The following OSBP2 variants were observed in gnomAD, a reference collection of about 807,000 sequenced individuals.
The protein encoded by OSBP2 is oxysterol-binding protein 2.
Under a neutral mutation model 96.0 loss-of-function variants are expected in OSBP2, and 66 were observed. The ratio of observed to expected loss-of-function variants is 0.69; its 90% CI spans 0.56 to 0.84. The LOEUF (loss-of-function observed/expected upper bound fraction) is 0.84, where lower values mean the gene tolerates loss of function less well. Ranked by LOEUF, OSBP2 falls within the 40% of genes least tolerant of loss-of-function variation. The probability of loss-of-function intolerance (pLI) is 0.00; values close to 1 mark genes in which losing one functional copy is unlikely to be tolerated. For missense variants in OSBP2, 1,038 were observed against 1,222.7 expected (o/e 0.85, Z 2.25); for synonymous variants, 525 against 520.9 (o/e 1.01, Z -0.11).
intron 2 of OSBP2, among the ~76,000 whole-genome samples, chr22:30,827,869 A>G (rs2038436523): frequency 6.6e-6 from 1 of 152,236 alleles, no homozygotes; most frequent in South Asian, 2.1e-4. Context: ...ATCATTGGCC[A>G]TATCATTGTA....
chr22:30,893,002 G>A (rs2039981649), intron 8 of OSBP2, 120 bp from the exon 9 acceptor site: 5 of 1,323,806 alleles, frequency 3.8e-6, no homozygotes, highest in African/African-American at 1.4e-5. Flanking sequence ...AGCCAGGACT[G>A]CTCCTATGGC....
At chr22:30,742,668 C>G (rs1015242968) in intron 2 of OSBP2, among the ~76,000 whole-genome samples, 1 of 152,176 alleles carries the variant, frequency 6.6e-6, no homozygotes, top group Non-Finnish European at 1.5e-5. Flanking sequence ...TAAAAAGCCT[C>G]CTCCTTGTTC....
At chr22:30,780,067 G>A (rs1482872084) in intron 2 of OSBP2, among the ~76,000 whole-genome samples, 1 of 152,180 alleles carries the variant, frequency 6.6e-6, no homozygotes, top group East Asian at 1.9e-4. Context: ...TCTATTTGTA[G>A]TCAATTCAAA....
At chr22:30,745,899 G>A (rs1189955423) in intron 2 of OSBP2, among the ~76,000 whole-genome samples, 1 of 152,070 alleles carries the variant, frequency 6.6e-6, no homozygotes, top group African/African-American at 2.4e-5. Context: ...ATAAGAACAG[G>A]ATGAAAAGGA....
chr22:30,843,134 T>C (rs996369626), intron 2 of OSBP2, among the ~76,000 whole-genome samples: 1 of 152,210 alleles, frequency 6.6e-6, no homozygotes, highest in Non-Finnish European at 1.5e-5. Context: ...ATTCTCTTGC[T>C]ATTTCTACTA....
intron 2 of OSBP2, among the ~76,000 whole-genome samples, chr22:30,797,834 T>C (rs5753321): frequency 0.11 from 17,461 of 152,126 alleles, 1,117 homozygotes; most frequent in East Asian, 0.2. Context: ...GCTCAAGCAA[T>C]CCACCCACCT....
chr22:30,752,288 CTTTTTTTT>C (rs10691256), intron 2 of OSBP2, among the ~76,000 whole-genome samples: 6 of 48,674 alleles, frequency 1.2e-4, no homozygotes, highest in South Asian at 8.7e-4. Context: ...CTTTGCTTTG[CTTTTTTTT>C]TTTTTTTTTT....
At chr22:30,834,034 C>T (rs2038583346) in intron 2 of OSBP2, among the ~76,000 whole-genome samples, 1 of 151,906 alleles carries the variant, frequency 6.6e-6, no homozygotes, top group East Asian at 1.9e-4. Context: ...TTCCATACAT[C>T]CCTCTCTTTA....
chr22:30,892,205 G>A (rs905947864), intron 8 of OSBP2, among the ~76,000 whole-genome samples: 11 of 152,150 alleles, frequency 7.2e-5, no homozygotes, highest in Non-Finnish European at 1.2e-4. Flanking sequence ...CATGAGGAGG[G>A]CCAGAGAGGC....
intron 2 of OSBP2, among the ~76,000 whole-genome samples, chr22:30,757,912 G>C (rs1428986144): frequency 6.6e-6 from 1 of 152,180 alleles, no homozygotes; most frequent in Non-Finnish European, 1.5e-5. Context: ...TGTGCAGCTT[G>C]TCAGCAGATC....
chr22:30,695,175 A>G lies in OSBP2; in HGVS notation c.266A>G (p.Glu89Gly), dbSNP rs1295560511. 7 of 1,611,860 alleles carry G rather than the reference A, an allele frequency of 4.3e-6. No homozygotes were observed. The highest frequency in any genetic ancestry group is 1.7e-5 in the Admixed American group (1 of 59,856). ...GAACCTGTGTCCGAGACGACGTCTG[A>G]GCCGGAGCCAGGGGCTGGGCAGCCA... ...RSEPVSETTSEPEPGAGQPSE... is the reference protein window; with the variant it reads ...RSEPVSETTSGPEPGAGQPSE... Residue 89 changes from glutamate (E) to glycine (G), a missense_variant, in exon 1 of 14, where the codon GAG becomes GGG. Coordinates refer to ENST00000332585, the MANE Select transcript of OSBP2 (RefSeq NM_030758.4).
intron 3 of OSBP2, among the ~76,000 whole-genome samples, chr22:30,886,903 A>G (rs1283271980): frequency 6.6e-6 from 1 of 152,198 alleles, no homozygotes; most frequent in East Asian, 1.9e-4. Context: ...AAAGAATTCA[A>G]GGCGAGTCTG....
intron 2 of OSBP2, among the ~76,000 whole-genome samples, chr22:30,866,332 C>T (rs2039336603): frequency 6.6e-6 from 1 of 152,228 alleles, no homozygotes; most frequent in African/African-American, 2.4e-5. Flanking sequence ...GGGCAGCCTG[C>T]AGAAGCTAGA....
intron 2 of OSBP2, among the ~76,000 whole-genome samples, chr22:30,768,814 T>C (rs1158927309): frequency 6.6e-6 from 1 of 152,222 alleles, no homozygotes; most frequent in Non-Finnish European, 1.5e-5. Flanking sequence ...GCACTTTCGT[T>C]TGTAATTATC....
At chr22:30,887,151 G>A (rs2039829663) in intron 3 of OSBP2, among the ~76,000 whole-genome samples, 1 of 152,166 alleles carries the variant, frequency 6.6e-6, no homozygotes, top group African/African-American at 2.4e-5. Context: ...CAGTGAGGAC[G>A]ACCAGAGGTC....
upstream of OSBP2, chr22:30,694,836 G>GCGCCCCCGGCCC (rs1396652012): frequency 8.0e-6 from 5 of 628,622 alleles, no homozygotes; most frequent in South Asian, 1.4e-4. Flanking sequence ...GCACGTGACT[G>GCGCCCCCGGCCC]CGCCCCCGGC....
chr22:30,905,257 C>T (rs2147200760), intron 12 of OSBP2, among the ~76,000 whole-genome samples: 1 of 150,950 alleles, frequency 6.6e-6, no homozygotes. Context: ...AGCAATTCTC[C>T]CACCTCAGCC....
At chr22:30,828,234 A>G (rs551672579) in intron 2 of OSBP2, among the ~76,000 whole-genome samples, 1 of 152,366 alleles carries the variant, frequency 6.6e-6, no homozygotes, top group African/African-American at 2.4e-5. Flanking sequence ...TGGTAAAAGA[A>G]GACAGAATTT....
intron 2 of OSBP2, among the ~76,000 whole-genome samples, chr22:30,769,277 A>G (rs145271318): frequency 1.3e-5 from 2 of 152,332 alleles, no homozygotes; most frequent in African/African-American, 4.8e-5. Flanking sequence ...TCTAAGCTCC[A>G]ATTTCTTTGC....
Sources: allele counts gnomAD v4.1 joint callset (sites outside exome capture counted in the v4.1 genomes callset), GRCh38; gene constraint gnomAD v4.1.1; transcripts MANE v1.5; gene names NCBI Gene and HGNC (gene_info 2026-07-23, HGNC 2026-07-21).